The following TXNDC11 variants were observed in gnomAD, a reference collection of about 807,000 sequenced individuals.
The protein encoded by TXNDC11 is thioredoxin domain containing 11.
TXNDC11 carries 68 observed loss-of-function variants against 78.0 expected under a neutral mutation model. That is an observed-to-expected ratio of 0.87 (90% confidence interval 0.72 to 1.07). The LOEUF (loss-of-function observed/expected upper bound fraction) is 1.07. Among genes scored for constraint, TXNDC11 ranks in the 50% least tolerant of loss-of-function variants. The pLI, the probability that TXNDC11 is intolerant of heterozygous loss-of-function variation, is 0.00. For missense variants in TXNDC11, 1,389 were observed against 1,221.8 expected (o/e 1.14, Z -2.04); for synonymous variants, 571 against 495.2 (o/e 1.15, Z -2.03).
At chr16:11,737,134 C>T (rs757449049) in intron 1 of TXNDC11, among the ~76,000 whole-genome samples, 17 of 152,070 alleles carry the variant, frequency 1.1e-4, no homozygotes, top group Non-Finnish European at 2.2e-4. Flanking sequence ...ACCTAAAACG[C>T]GATGAGATTA....
chr16:11,697,700 C>G (rs1167270869), intron 7 of TXNDC11, among the ~76,000 whole-genome samples: 3 of 152,218 alleles, frequency 2.0e-5, no homozygotes, highest in African/African-American at 7.2e-5. Flanking sequence ...CTGAGGATGG[C>G]CAGGGCTGGC....
In TXNDC11 at chr16:11,679,962, T is replaced by A. The variant is rs2050379873; in HGVS notation, c.2235-125A>T. ...GAAAAGACGTTCCGTGGATTTTACT[T>A]ACTGAAAGTAAGGAAAATGTTGCCT... On this transcript the variant is annotated intron_variant, in intron 11 of 11. Coordinates refer to ENST00000283033, the MANE Select transcript of TXNDC11 (RefSeq NM_015914.7). The surrounding 1 kb of genome is among the most constrained non-coding windows in gnomAD (Gnocchi z 4.6). 3 of 852,244 alleles carry A rather than the reference T, an allele frequency of 3.5e-6. No individual in the cohort carries two copies. The highest frequency in any genetic ancestry group is 2.9e-5 in the Admixed American group (1 of 34,970). 52.8% of individuals were successfully genotyped at this position (852,244 alleles called of 1,614,324 possible). A position where few individuals can be genotyped will look rare whatever the true frequency, so the allele number is the denominator to read the frequency against.
At chr16:11,684,095 A>G in intron 11 of TXNDC11, 70 bp downstream of exon 11, 1 of 1,085,874 alleles carries the variant, frequency 9.2e-7, no homozygotes, top group Non-Finnish European at 1.4e-6. Flanking sequence ...TTACATCTTA[A>G]ACCCATTTCA....
At position 11,680,779 on chromosome 16, in the gene TXNDC11, T is replaced by C. The variant is rs551635176; in HGVS notation, c.2235-942A>G. ...CAGGGCCACTGGACCCGGCCGTAAA[T>C]TGTTTTATAATTTTGGGGTAAACAT... On this transcript the variant is annotated intron_variant, in intron 11 of 11. Transcript: ENST00000283033. Among the ~76,000 whole-genome samples the C allele has an allele frequency of 1.2e-4, 19 of 152,254 alleles. No homozygotes were observed. In the South Asian group the frequency reaches 3.9e-3, roughly 32 times the overall value.
intron 7 of TXNDC11, among the ~76,000 whole-genome samples, chr16:11,697,085 T>G (rs1056699825): frequency 6.6e-6 from 1 of 152,270 alleles, no homozygotes; most frequent in African/African-American, 2.4e-5. Flanking sequence ...ATAGTTTTAT[T>G]ACTTTGAGTC....
At chr16:11,702,249 G>C (rs1308602001) in intron 5 of TXNDC11, among the ~76,000 whole-genome samples, 1 of 152,000 alleles carries the variant, frequency 6.6e-6, no homozygotes. Context: ...TTTTTTCATG[G>C]AGTATAATAT....
At chr16:11,728,811 C>T (rs896502254) in intron 4 of TXNDC11, among the ~76,000 whole-genome samples, 5 of 151,102 alleles carry the variant, frequency 3.3e-5, no homozygotes, top group Admixed American at 3.3e-4. Context: ...TCCAGCCTGG[C>T]CAACATGGTG....
In TXNDC11 at chr16:11,679,308, G is replaced by A; in HGVS notation, c.2764C>T (p.Pro922Ser). 2 of 1,612,810 alleles carry A rather than the reference G, an allele frequency of 1.2e-6. No individual in the cohort carries two copies. The highest frequency in any genetic ancestry group is 1.1e-5 in the South Asian group (1 of 91,058). ...ESLAAQREVH[P>S]KQPEPSATPQ... is the part of the protein sequence containing the mutation. Reference sequence around the variant, plus strand: ...GTGGCTGAGGGCTCAGGCTGCTTGGGGTGGACCTCTCTCTGGGCCGCCAGG... The same window carrying A: ...GTGGCTGAGGGCTCAGGCTGCTTGGAGTGGACCTCTCTCTGGGCCGCCAGG... Residue 922 changes from proline (P) to serine (S), a missense_variant, in exon 12 of 12, where the codon CCC becomes TCC. By Grantham distance (74) the Pro-to-Ser change is moderately conservative. Coordinates refer to ENST00000283033, the MANE Select transcript of TXNDC11 (RefSeq NM_015914.7). The surrounding 1 kb of genome is among the most constrained non-coding windows in gnomAD (Gnocchi z 4.6).
At chr16:11,728,945 G>A (rs560186627) in intron 4 of TXNDC11, among the ~76,000 whole-genome samples, 2 of 152,064 alleles carry the variant, frequency 1.3e-5, no homozygotes, top group South Asian at 2.1e-4. Context: ...AGATTGCAGC[G>A]AGCCAAGATC....
chr16:11,733,627 C>T (rs1459570668), intron 3 of TXNDC11, among the ~76,000 whole-genome samples: 1 of 152,178 alleles, frequency 6.6e-6, no homozygotes, highest in African/African-American at 2.4e-5. Flanking sequence ...GCTATGCCTC[C>T]AGATGAAACG....
intron 5 of TXNDC11, among the ~76,000 whole-genome samples, chr16:11,715,831 C>G (rs1567330912): frequency 6.6e-6 from 1 of 152,282 alleles, no homozygotes; most frequent in African/African-American, 2.4e-5. Flanking sequence ...ACTGGGCCTG[C>G]TGGTCAGTCA....
At chr16:11,714,849 G>A (rs1004097393) in intron 5 of TXNDC11, among the ~76,000 whole-genome samples, 1 of 152,158 alleles carries the variant, frequency 6.6e-6, no homozygotes, top group Non-Finnish European at 1.5e-5. Flanking sequence ...ATTTCCCAAA[G>A]GGAGTTCCTT....
intron 6 of TXNDC11, among the ~76,000 whole-genome samples, chr16:11,699,991 T>C (rs1007231193): frequency 2.0e-5 from 3 of 152,182 alleles, no homozygotes; most frequent in African/African-American, 7.2e-5. Context: ...TGAGAAGCCA[T>C]CAACTTCTCA....
intron 5 of TXNDC11, among the ~76,000 whole-genome samples, chr16:11,720,543 G>A (rs931201812): frequency 1.3e-5 from 2 of 149,686 alleles, no homozygotes; most frequent in Non-Finnish European, 3.0e-5. Flanking sequence ...AGCCTCCCAA[G>A]TAGCTGGGAC....
intron 1 of TXNDC11, among the ~76,000 whole-genome samples, chr16:11,737,289 T>C (rs2052250635): frequency 6.9e-6 from 1 of 145,722 alleles, no homozygotes; most frequent in Non-Finnish European, 1.5e-5. Flanking sequence ...CTACTGAAAA[T>C]GAAAAAGTAG....
At position 11,742,423 on chromosome 16, in the gene TXNDC11, G is replaced by A. The variant is rs2141137798; in HGVS notation, c.254+54C>T. 5 of 1,314,916 alleles carry A rather than the reference G, an allele frequency of 3.8e-6. No individual in the cohort carries two copies. The South Asian group carries it at 7.4e-5, about 19-fold the overall frequency. 81.5% of individuals were successfully genotyped at this position (1,314,916 alleles called of 1,614,324 possible). ...TGCGACCCGGCCCTGCAGGCTCCAG[G>A]CGGCAGAGCAAGGGGAGCGCCCTAG... On this transcript the variant is annotated intron_variant, in intron 1 of 11. Transcript: ENST00000283033.
At chr16:11,682,979 C>A (rs2050464598) in intron 11 of TXNDC11, among the ~76,000 whole-genome samples, 1 of 152,176 alleles carries the variant, frequency 6.6e-6, no homozygotes, top group Non-Finnish European at 1.5e-5. Context: ...ATTAAAACAG[C>A]AAACGTCATA....
At chr16:11,706,945 G>C (rs889149321) in intron 5 of TXNDC11, among the ~76,000 whole-genome samples, 1 of 152,030 alleles carries the variant, frequency 6.6e-6, no homozygotes, top group Non-Finnish European at 1.5e-5. Context: ...AGTATTTGCA[G>C]AATTTAAAAC....
intron 5 of TXNDC11, among the ~76,000 whole-genome samples, chr16:11,708,625 T>C (rs893424627): frequency 6.6e-6 from 1 of 152,242 alleles, no homozygotes; most frequent in African/African-American, 2.4e-5. Context: ...AAAATGCTTA[T>C]AAAGGTAACT....
Sources: allele counts gnomAD v4.1 joint callset (sites outside exome capture counted in the v4.1 genomes callset), GRCh38; gene constraint gnomAD v4.1.1; non-coding constraint Gnocchi (gnomAD v3.1); transcripts MANE v1.5; gene names NCBI Gene and HGNC (gene_info 2026-07-23, HGNC 2026-07-21).